COL6A5: variants seen among roughly 807,000 people sequenced by gnomAD.
COL6A5 encodes collagen alpha-5(VI) chain.
Under a neutral mutation model 65.6 loss-of-function variants are expected in COL6A5, and 48 were observed. That is an observed-to-expected ratio of 0.73 (90% CI 0.58 to 0.93). The LOEUF (loss-of-function observed/expected upper bound fraction) is 0.93. Ranked by LOEUF, COL6A5 falls within the 40% of genes least tolerant of loss-of-function variation. The pLI, the probability that COL6A5 is intolerant of heterozygous loss-of-function variation, is 0.00. For missense variants in COL6A5, 914 were observed against 928.3 expected (o/e 0.98, Z 0.20); for synonymous variants, 291 against 322.8 (o/e 0.90, Z 1.05).
At chr3:130,362,695 T>G (rs2107623174) in intron 1 of COL6A5, among the ~76,000 whole-genome samples, 1 of 152,286 alleles carries the variant, frequency 6.6e-6, no homozygotes, top group African/African-American at 2.4e-5. Flanking sequence ...GGGATTGTGT[T>G]AAATCTACAG....
intron 5 of COL6A5, among the ~76,000 whole-genome samples, chr3:130,464,107 A>G (rs1342967912): frequency 6.6e-6 from 1 of 152,054 alleles, no homozygotes; most frequent in Non-Finnish European, 1.5e-5. Context: ...TTTTGCTTCT[A>G]CTAGAACATT....
At chr3:130,425,196 T>C (rs1336297200) in intron 29 of COL6A5, among the ~76,000 whole-genome samples, 2 of 152,284 alleles carry the variant, frequency 1.3e-5, no homozygotes, top group South Asian at 4.1e-4. Context: ...GGTTAATGTG[T>C]CCCAATGGGT....
chr3:130,470,007 G>A (rs1709909730), intron 6 of COL6A5, among the ~76,000 whole-genome samples: 1 of 152,016 alleles, frequency 6.6e-6, no homozygotes, highest in Admixed American at 6.6e-5. Flanking sequence ...ATATCACACT[G>A]ACACTGCCCT....
intron 24 of COL6A5, among the ~76,000 whole-genome samples, chr3:130,417,658 G>A (rs1001985519): frequency 2.0e-5 from 3 of 152,116 alleles, no homozygotes; most frequent in Non-Finnish European, 4.4e-5. Flanking sequence ...GTTGGGGATC[G>A]TCAGAGAGCA....
intron 4 of COL6A5, among the ~76,000 whole-genome samples, chr3:130,448,095 C>G (rs559316547): frequency 2.8e-4 from 42 of 152,276 alleles, no homozygotes; most frequent in African/African-American, 9.6e-4. Context: ...TTGAAGTATT[C>G]TGCACCAAGC....
exon 6 of COL6A5, chr3:130,469,168 T>C: frequency 6.2e-7 from 1 of 1,610,826 alleles, no homozygotes; most frequent in South Asian, 1.1e-5. Context: ...TTATTGGCCA[T>C]GCCTTGCAGT....
At chr3:130,432,418 G>C (rs1399430332) in intron 1 of COL6A5, among the ~76,000 whole-genome samples, 1 of 152,006 alleles carries the variant, frequency 6.6e-6, no homozygotes, top group Non-Finnish European at 1.5e-5. Context: ...CTGCATGGTG[G>C]CGCGTGCCTG....
At chr3:130,384,860 A>C in exon 5 of COL6A5, 1 of 1,550,734 alleles carries the variant, frequency 6.4e-7, no homozygotes. Context: ...CTCAAGCAGC[A>C]TCCAGGAGAA....
At chr3:130,370,540 A>T (rs763727702) in intron 1 of COL6A5, among the ~76,000 whole-genome samples, 3 of 152,202 alleles carry the variant, frequency 2.0e-5, no homozygotes, top group South Asian at 2.1e-4. Context: ...TCCCAGGCAT[A>T]TATTACTTGC....
exon 9 of COL6A5, chr3:130,397,646 T>A (rs1936648030): frequency 6.4e-7 from 1 of 1,551,568 alleles, no homozygotes. Context: ...CAGCCTTTGT[T>A]CCAGGGCCAC....
intron 7 of COL6A5, among the ~76,000 whole-genome samples, chr3:130,473,702 A>C (rs756968850): frequency 2.0e-5 from 3 of 152,032 alleles, no homozygotes; most frequent in Non-Finnish European, 4.4e-5. Context: ...CCCAAAAGCA[A>C]GTGTTTCTTG....
At chr3:130,398,046 C>T in exon 10 of COL6A5, 1 of 1,550,958 alleles carries the variant, frequency 6.4e-7, no homozygotes, top group South Asian at 1.2e-5. Flanking sequence ...CTTATTTTTT[C>T]AGACGGTCTC....
chr3:130,386,067 T>C (rs145464195), intron 5 of COL6A5, among the ~76,000 whole-genome samples: 276 of 152,186 alleles, frequency 1.8e-3, no homozygotes, highest in African/African-American at 5.8e-3. Context: ...TTATTAATAA[T>C]GGCCACTTAC....
At chr3:130,417,171 G>T (rs1456413460) in intron 24 of COL6A5, among the ~76,000 whole-genome samples, 1 of 152,030 alleles carries the variant, frequency 6.6e-6, no homozygotes, top group Non-Finnish European at 1.5e-5. Flanking sequence ...ACTTATGAGT[G>T]AGAACATGCA....
At chr3:130,474,359 G>A (rs570095831) in intron 7 of COL6A5, among the ~76,000 whole-genome samples, 2 of 152,154 alleles carry the variant, frequency 1.3e-5, no homozygotes, top group East Asian at 3.9e-4. Flanking sequence ...ATCATAACAG[G>A]ACTTAGAGTC....
At chr3:130,462,807 G>A (rs896547020) in intron 5 of COL6A5, among the ~76,000 whole-genome samples, 10 of 152,082 alleles carry the variant, frequency 6.6e-5, no homozygotes, top group African/African-American at 2.4e-4. Context: ...AACAGCCATT[G>A]GCTGAGAAGC....
exon 6 of COL6A5, chr3:130,469,212 A>T (rs748598773): frequency 6.2e-7 from 1 of 1,613,108 alleles, no homozygotes; most frequent in African/African-American, 1.3e-5. Flanking sequence ...GGAACCCCCA[A>T]TCTGAGGAAA....
chr3:130,346,369 A>G (rs899574566), intron 1 of COL6A5, among the ~76,000 whole-genome samples: 2 of 152,172 alleles, frequency 1.3e-5, no homozygotes, highest in African/African-American at 4.8e-5. Context: ...CCATTGCCTT[A>G]GAAGTCACTT....
intron 20 of COL6A5, among the ~76,000 whole-genome samples, chr3:130,412,375 C>T (rs118154941): frequency 6.6e-6 from 1 of 152,178 alleles, no homozygotes; most frequent in African/African-American, 2.4e-5. Context: ...CAGTCTGTCT[C>T]CCTCCAGAGT....
Sources: allele counts gnomAD v4.1 joint callset (sites outside exome capture counted in the v4.1 genomes callset), GRCh38; gene constraint gnomAD v4.1.1; transcripts MANE v1.5; gene names NCBI Gene and HGNC (gene_info 2026-07-23, HGNC 2026-07-21).